Variants in AMOT observed in about 807,000 individuals in gnomAD.
AMOT encodes the protein angiomotin.
Under a neutral mutation model 67.0 loss-of-function variants are expected in AMOT, and 11 were observed. The observed-to-expected ratio is 0.16, with a 90% CI of 0.10 to 0.27. The LOEUF is 0.27. AMOT is among the 10% of genes least tolerant of loss of function. AMOT has a pLI of 1.00. For synonymous variants in AMOT, 326 were observed against 321.4 expected (o/e 1.01, Z -0.15); for missense variants, 753 against 852.0 (o/e 0.88, Z 1.45).
intron 5 of AMOT, among the ~76,000 whole-genome samples, chrX:112,815,086 GA>G (rs762792876): frequency 6.2e-5 from 7 of 112,062 alleles, no homozygotes; most frequent in Non-Finnish European, 1.1e-4. Context: ...AATTCTAAAA[GA>G]ATTAATCACG....
chrX:112,795,211 C>T (rs1933760127), intron 8 of AMOT, among the ~76,000 whole-genome samples: 1 of 109,207 alleles, frequency 9.2e-6, no homozygotes, highest in African/African-American at 3.4e-5. Flanking sequence ...CTCTCTCTTT[C>T]ATTCTCTCTC....
chrX:112,809,817 A>C, intron 7 of AMOT, 77 bp downstream of exon 7: 1 of 884,057 alleles, frequency 1.1e-6, no homozygotes, highest in Non-Finnish European at 1.6e-6. Context: ...AAAAGGCTAA[A>C]GAGAACAGTG....
chrX:112,798,201 T>C (rs2147794772), intron 8 of AMOT, among the ~76,000 whole-genome samples: 1 of 112,434 alleles, frequency 8.9e-6, no homozygotes, highest in African/African-American at 3.2e-5. Context: ...TCAAACTTCA[T>C]ATTGGTCTGA....
At chrX:112,802,789 A>G (rs902067536) in intron 8 of AMOT, among the ~76,000 whole-genome samples, 1 of 112,738 alleles carries the variant, frequency 8.9e-6, no homozygotes, top group Non-Finnish European at 1.9e-5. Flanking sequence ...AAAAATCTCC[A>G]GGACTAATGC....
At chrX:112,809,813 C>A (rs1190006454) in intron 7 of AMOT, 81 bp downstream of exon 7, 4 of 854,540 alleles carry the variant, frequency 4.7e-6, no homozygotes, top group Non-Finnish European at 6.9e-6. Flanking sequence ...TTCTAAAAGG[C>A]TAAAGAGAAC....
intron 5 of AMOT, among the ~76,000 whole-genome samples, chrX:112,813,494 C>T (rs998278830): frequency 4.5e-5 from 5 of 111,628 alleles, no homozygotes; most frequent in African/African-American, 6.5e-5. Context: ...TACTCTACCT[C>T]GACACTGGGT....
chrX:112,780,399 A>T (rs1000920957), intron 12 of AMOT: 3 of 121,190 alleles, frequency 2.5e-5, no homozygotes, highest in Admixed American at 8.8e-5. Flanking sequence ...ATGAAAAAGT[A>T]CATTCTGTTC....
At chrX:112,780,495 G>A (rs1933113999) in intron 12 of AMOT, 2 of 203,652 alleles carry the variant, frequency 9.8e-6, no homozygotes, top group Non-Finnish European at 1.8e-5. Context: ...TATAGAGGAG[G>A]AAGGAACACA....
intron 10 of AMOT, among the ~76,000 whole-genome samples, chrX:112,786,842 A>G (rs1292061133): frequency 8.9e-6 from 1 of 112,485 alleles, no homozygotes; most frequent in East Asian, 2.8e-4. Context: ...TGAACAAAAC[A>G]AATATTTTAA....
At chrX:112,823,332 G>T (rs1338122209) in intron 3 of AMOT, 144 bp from the exon 4 acceptor site, 2 of 434,529 alleles carry the variant, frequency 4.6e-6, no homozygotes, top group Non-Finnish European at 7.8e-6. Context: ...GATTGTTGGG[G>T]ATTCCAGGCC....
chrX:112,781,968 A>G (rs1166130609), intron 11 of AMOT, among the ~76,000 whole-genome samples: 1 of 111,715 alleles, frequency 9.0e-6, no homozygotes, highest in East Asian at 2.8e-4. Flanking sequence ...GACTCATTGC[A>G]ACCTCTGCCT....
rs761024403 is a variant in AMOT at position 112,775,603 on chromosome X, A to C, written c.*2964T>G. 8.9e-6 allele frequency: 1 copy of C among 112,429 alleles called. No homozygotes were observed. Among genetic ancestry groups the C allele is most frequent in the Non-Finnish European group, 1.9e-5 (1 of 53,253 alleles). 9.3% of individuals were successfully genotyped at this position (112,429 alleles called of 1,213,427 possible). On this transcript the variant is annotated 3_prime_UTR_variant, in exon 14 of 14. Transcript: ENST00000371959. ...GCTGTCCTATTACCTTGAAGCTCAAAAGCAGCATTAAAAGGAAATCCTTCA... is the reference window on the plus strand; with the variant it reads ...GCTGTCCTATTACCTTGAAGCTCAACAGCAGCATTAAAAGGAAATCCTTCA...
rs1933138367 is a variant in AMOT, at chrX:112,780,940, C to T, written c.2419G>A (p.Gly807Ser). 1 of 1,211,994 alleles carries T rather than the reference C, an allele frequency of 8.3e-7. No individual in the cohort carries two copies. Among genetic ancestry groups the T allele is most frequent in the South Asian group, 1.8e-5 (1 of 57,000 alleles). ...GLLSHSSTLT[G>S]SPIMEEKRDD... ...CGCTTTTCTTCCATGATGGGGGAGCCAGTCAGGGTGGATGAGTGGGAGAGC... is the reference window on the plus strand; with the variant it reads ...CGCTTTTCTTCCATGATGGGGGAGCTAGTCAGGGTGGATGAGTGGGAGAGC... Residue 807 changes from glycine (G) to serine (S), a missense_variant, in exon 12 of 14, where the codon GGC becomes AGC. Coordinates refer to ENST00000371959, the MANE Select transcript of AMOT (RefSeq NM_001113490.2).
intron 1 of AMOT, among the ~76,000 whole-genome samples, chrX:112,833,481 G>C (rs184933076): frequency 2.1e-4 from 18 of 86,480 alleles, no homozygotes; most frequent in African/African-American, 5.3e-4. Context: ...GGAGTAAAGG[G>C]GGGGGGGGGG....
chrX:112,784,726 C>A (rs756512449), intron 10 of AMOT, among the ~76,000 whole-genome samples: 4 of 112,542 alleles, frequency 3.6e-5, no homozygotes, highest in African/African-American at 9.7e-5. Context: ...AATTCCAGCT[C>A]TTGGTAAAAT....
intron 5 of AMOT, among the ~76,000 whole-genome samples, chrX:112,813,501 G>A (rs978736492): frequency 2.0e-4 from 22 of 111,402 alleles, no homozygotes; most frequent in Non-Finnish European, 4.0e-4. Flanking sequence ...CCTCGACACT[G>A]GGTCAGCCTC....
At chrX:112,819,231 C>G (rs1198671408) in intron 4 of AMOT, 3 of 382,172 alleles carry the variant, frequency 7.8e-6, no homozygotes, top group Non-Finnish European at 1.0e-5. Context: ...CACACACACA[C>G]TCCACACTCC....
intron 7 of AMOT, among the ~76,000 whole-genome samples, chrX:112,808,136 G>A (rs760230557): frequency 1.8e-5 from 2 of 112,097 alleles, no homozygotes; most frequent in South Asian, 7.5e-4. Flanking sequence ...TTTGCATTTG[G>A]AAAGAAAGGA....
chrX:112,823,009 G>C lies in AMOT; in HGVS notation c.118C>G (p.Gln40Glu). 1 of 1,167,741 alleles carries C rather than the reference G, an allele frequency of 8.6e-7. No homozygotes were observed. Among genetic ancestry groups the C allele is most frequent in the Non-Finnish European group, 1.1e-6 (1 of 873,098 alleles). ...ENRSLLAIHQQATGNGPPFPS... is the reference protein window; with the variant it reads ...ENRSLLAIHQEATGNGPPFPS... ...AAAGGAGGGCCATTCCCTGTGGCTT[G>C]CTGGTGTATGGCAAGCAGGCTGCGA... The change falls in exon 4 of 14, where the codon CAA (glutamine) becomes GAA (glutamate). Residue 40 changes from glutamine to glutamate, a missense_variant. By Grantham distance (29) the Gln-to-Glu change is conservative (BLOSUM62 2). Transcript: ENST00000371959.
Sources: gnomAD v4.1 joint callset for allele counts (sites outside exome capture counted in the v4.1 genomes callset) on GRCh38, gnomAD v4.1.1 for gene constraint, MANE v1.5 for transcripts, NCBI Gene and HGNC (gene_info 2026-07-23, HGNC 2026-07-21) for gene names.